BRINP1: variants seen among roughly 807,000 people sequenced by gnomAD.
The protein encoded by BRINP1 is BMP/retinoic acid inducible neural specific 1, also known as BMP/retinoic acid-inducible neural-specific protein 1.
BRINP1 carries 17 observed loss-of-function variants against 72.9 expected under a neutral mutation model. The ratio of observed to expected loss-of-function variants is 0.23; its 90% CI spans 0.16 to 0.35. The LOEUF (loss-of-function observed/expected upper bound fraction) is 0.35. Ranked by LOEUF, BRINP1 falls within the 10% of genes least tolerant of loss-of-function variation. The pLI, the probability that BRINP1 is intolerant of heterozygous loss-of-function variation, is 1.00. For synonymous variants in BRINP1, 418 were observed against 378.5 expected, an observed-to-expected ratio of 1.10 and a Z score of -1.21; for missense variants, 850 against 1,001.6, an observed-to-expected ratio of 0.85 and a Z score of 2.04.
intron 2 of BRINP1, among the ~76,000 whole-genome samples, chr9:119,261,685 C>T (rs113759036): frequency 3.1e-4 from 47 of 152,318 alleles, no homozygotes; most frequent in African/African-American, 1.1e-3. Context: ...CAACAACCAA[C>T]GTGGTATTTC....
intron 1 of BRINP1, among the ~76,000 whole-genome samples, chr9:119,346,683 G>A (rs1408694205): frequency 6.6e-6 from 1 of 152,104 alleles, no homozygotes; most frequent in Non-Finnish European, 1.5e-5. Flanking sequence ...AGAATTGAGG[G>A]GTTCTGACAG....
chr9:119,209,525 C>CCACTT (rs1829898522), intron 6 of BRINP1, among the ~76,000 whole-genome samples: 1 of 151,578 alleles, frequency 6.6e-6, no homozygotes, highest in African/African-American at 2.4e-5. Context: ...TGAGACTGCA[C>CCACTT]CACTGCACTC....
intron 1 of BRINP1, among the ~76,000 whole-genome samples, chr9:119,360,042 T>G (rs1465841621): frequency 6.6e-6 from 1 of 152,206 alleles, no homozygotes; most frequent in Non-Finnish European, 1.5e-5. Context: ...CTTGGTAATA[T>G]TTTCAGGAAT....
intron 1 of BRINP1, among the ~76,000 whole-genome samples, chr9:119,346,290 A>T (rs921224691): frequency 6.6e-6 from 1 of 152,204 alleles, no homozygotes; most frequent in South Asian, 2.1e-4. Flanking sequence ...TATGAAACAG[A>T]CTTACTCTGT....
At chr9:119,262,167 T>A (rs1452712303) in intron 2 of BRINP1, among the ~76,000 whole-genome samples, 1 of 152,228 alleles carries the variant, frequency 6.6e-6, no homozygotes, top group East Asian at 1.9e-4. Flanking sequence ...TATGACACTA[T>A]GTGCATGCCA....
chr9:119,311,498 C>T (rs1295178334), intron 2 of BRINP1, among the ~76,000 whole-genome samples: 1 of 151,974 alleles, frequency 6.6e-6, no homozygotes, highest in Admixed American at 6.6e-5. Flanking sequence ...TGCCTGGTCA[C>T]CTCTTTGCTA....
chr9:119,274,630 G>C (rs766011237), intron 2 of BRINP1, among the ~76,000 whole-genome samples: 2 of 152,130 alleles, frequency 1.3e-5, no homozygotes, highest in Non-Finnish European at 2.9e-5. Flanking sequence ...CTTATTTGTA[G>C]AATGGAAATG....
At chr9:119,311,089 A>G (rs140902526) in intron 2 of BRINP1, among the ~76,000 whole-genome samples, 59 of 152,278 alleles carry the variant, frequency 3.9e-4, no homozygotes, top group Admixed American at 9.8e-4. Context: ...CACTTGTTAT[A>G]CCTTGAAATG....
At chr9:119,231,680 G>A (rs1830150135) in intron 5 of BRINP1, among the ~76,000 whole-genome samples, 2 of 152,008 alleles carry the variant, frequency 1.3e-5, no homozygotes, top group Non-Finnish European at 2.9e-5. Flanking sequence ...ACTATTAGCA[G>A]TATTTGACGC....
rs1482014190 is a variant in BRINP1 at position 119,213,910 on chromosome 9, ACT to A, written c.922+7_922+8del. 6.2e-7 allele frequency: 1 copy of A among 1,610,320 alleles called. No homozygotes were observed. Among genetic ancestry groups the A allele is most frequent in the African/African-American group, 1.3e-5 (1 of 74,782 alleles). On this transcript the variant is annotated splice_region_variant and intron_variant, in intron 6 of 7. Coordinates refer to ENST00000265922, the MANE Select transcript of BRINP1 (RefSeq NM_014618.3). The stretch of plus-strand genomic sequence containing the variant: ...CACTCATGCAGTGGCACTGAGTGAG[ACT>A]CTCTACCTGAATTCTCCAGGTCCTT...
chr9:119,328,938 A>C (rs1186336413), intron 1 of BRINP1, among the ~76,000 whole-genome samples: 1 of 152,218 alleles, frequency 6.6e-6, no homozygotes, highest in East Asian at 1.9e-4. Flanking sequence ...TGTGAGCAAA[A>C]GCATGGAATC....
intron 1 of BRINP1, among the ~76,000 whole-genome samples, chr9:119,319,620 T>C (rs1831164098): frequency 6.6e-6 from 1 of 152,228 alleles, no homozygotes; most frequent in South Asian, 2.1e-4. Flanking sequence ...GCATCTACTA[T>C]ATGCTGGCTT....
intron 2 of BRINP1, among the ~76,000 whole-genome samples, chr9:119,281,263 C>T (rs912589231): frequency 2.6e-5 from 4 of 152,228 alleles, no homozygotes; most frequent in African/African-American, 9.6e-5. Flanking sequence ...TTTTTAAGAG[C>T]TCTTCATTTG....
rs948117555 is a variant in BRINP1, at chr9:119,326,501, C to T, written c.-50-13096G>A. 2.6e-5 allele frequency among the ~76,000 whole-genome samples: 4 copies of T among 152,188 alleles called. No individual in the cohort carries two copies. The East Asian group carries it at 5.8e-4, about 22-fold the overall frequency. ...CTGTGATCCTATTATATTTTATTAACAATATAAACCTAAGTTATGTATAGC... is the reference window on the plus strand; with the variant it reads ...CTGTGATCCTATTATATTTTATTAATAATATAAACCTAAGTTATGTATAGC... On this transcript the variant is annotated intron_variant, in intron 1 of 7. Transcript: ENST00000265922.
intron 4 of BRINP1, among the ~76,000 whole-genome samples, chr9:119,239,322 G>A (rs1169022244): frequency 2.0e-5 from 3 of 152,148 alleles, no homozygotes; most frequent in East Asian, 1.9e-4. Flanking sequence ...ACAAGAAAAC[G>A]ATGCCCATTT....
chr9:119,318,864 T>TGC lies in BRINP1; in HGVS notation c.-50-5460_-50-5459insGC, dbSNP rs749769029. Among the ~76,000 whole-genome samples the TGC allele has an allele frequency of 2.6e-4, 39 of 151,720 alleles. No homozygotes were observed. The Middle Eastern group carries it at 0.01, about 40-fold the overall frequency. On this transcript the variant is annotated intron_variant, in intron 1 of 7. Transcript: ENST00000265922. ...TGTGGGGTGTGTGTGTGTGTGTGTG[T>TGC]GTGTGTGTGTGTGTGTGTGTGCAGG...
At chr9:119,231,913 T>C (rs1033835849) in intron 5 of BRINP1, among the ~76,000 whole-genome samples, 3 of 152,148 alleles carry the variant, frequency 2.0e-5, no homozygotes, top group East Asian at 3.9e-4. Flanking sequence ...TTGTTCAATC[T>C]CAGATAATTA....
At chr9:119,330,489 T>C (rs1173883570) in intron 1 of BRINP1, among the ~76,000 whole-genome samples, 23 of 152,212 alleles carry the variant, frequency 1.5e-4, no homozygotes, top group Admixed American at 1.5e-3. Flanking sequence ...AGGCCTTTAT[T>C]TGAACACCAG....
chr9:119,274,430 G>A (rs979618118), intron 2 of BRINP1, among the ~76,000 whole-genome samples: 4 of 152,164 alleles, frequency 2.6e-5, no homozygotes, highest in Non-Finnish European at 5.9e-5. Context: ...ACTAACAAAC[G>A]GATTTGGTTG....
Sources: allele counts gnomAD v4.1 joint callset (sites outside exome capture counted in the v4.1 genomes callset), GRCh38; gene constraint gnomAD v4.1.1; transcripts MANE v1.5; gene names NCBI Gene and HGNC (gene_info 2026-07-23, HGNC 2026-07-21).